The following SPAG16 variants were observed in gnomAD, a reference collection of about 807,000 sequenced individuals.
The protein encoded by SPAG16 is sperm associated antigen 16.
SPAG16 carries 86 observed loss-of-function variants against 80.4 expected under a neutral mutation model. That is an observed-to-expected ratio of 1.07 (90% CI 0.90 to 1.28). The LOEUF is 1.28. SPAG16 is among the 50% of genes most tolerant of loss of function. The probability of loss-of-function intolerance (pLI) is 0.00; values close to 1 mark genes in which losing one functional copy is unlikely to be tolerated. For synonymous variants in SPAG16, 294 were observed against 265.9 expected, an observed-to-expected ratio of 1.11 and a Z score of -1.03; for missense variants, 870 against 765.3, an observed-to-expected ratio of 1.14 and a Z score of -1.61.
chr2:213,417,177 C>A (rs2069306516), intron 9 of SPAG16, among the ~76,000 whole-genome samples: 1 of 151,950 alleles, frequency 6.6e-6, no homozygotes, highest in African/African-American at 2.4e-5. Context: ...GGTCAGAGGT[C>A]AAGCATCATA....
At chr2:214,372,446 C>T (rs1041986395) in intron 15 of SPAG16, among the ~76,000 whole-genome samples, 1 of 141,642 alleles carries the variant, frequency 7.1e-6, no homozygotes, top group African/African-American at 2.5e-5. Flanking sequence ...AAGGATACAA[C>T]AAAAGCTTGA....
intron 15 of SPAG16, among the ~76,000 whole-genome samples, chr2:214,272,108 T>A (rs1368369361): frequency 1.3e-5 from 2 of 152,196 alleles, no homozygotes; most frequent in African/African-American, 4.8e-5. Flanking sequence ...AAGTGTCATA[T>A]CTGTGCCATT....
At chr2:214,159,202 A>G (rs568603682) in intron 15 of SPAG16, among the ~76,000 whole-genome samples, 81 of 152,152 alleles carry the variant, frequency 5.3e-4, no homozygotes, top group African/African-American at 1.8e-3. Context: ...ACTTTAATCA[A>G]TAGAAATAAA....
intron 10 of SPAG16, among the ~76,000 whole-genome samples, chr2:213,525,630 A>G (rs2075861785): frequency 6.6e-6 from 1 of 152,100 alleles, no homozygotes; most frequent in African/African-American, 2.4e-5. Flanking sequence ...TCAGGCATGT[A>G]TTTATTAGCA....
chr2:213,524,225 A>G (rs948457044), intron 10 of SPAG16, among the ~76,000 whole-genome samples: 2 of 152,194 alleles, frequency 1.3e-5, no homozygotes, highest in Non-Finnish European at 2.9e-5. Context: ...GGCAGCTTCC[A>G]TGTAGTGTTG....
At chr2:213,892,963 C>T (rs541173814) in intron 11 of SPAG16, among the ~76,000 whole-genome samples, 25 of 152,116 alleles carry the variant, frequency 1.6e-4, no homozygotes, top group East Asian at 7.7e-4. Flanking sequence ...CACACATAGG[C>T]GAACAACATC....
chr2:214,193,895 T>C (rs1274251471), intron 15 of SPAG16, among the ~76,000 whole-genome samples: 1 of 152,022 alleles, frequency 6.6e-6, no homozygotes, highest in East Asian at 1.9e-4. Context: ...AAGTAGATCA[T>C]TTAGTTTAAT....
intron 12 of SPAG16, among the ~76,000 whole-genome samples, chr2:213,981,289 G>A (rs112543422): frequency 0.013 from 1,995 of 152,168 alleles, 49 homozygotes; most frequent in African/African-American, 0.045. Flanking sequence ...ATGAGTTTGT[G>A]GGGGAATCAA....
chr2:213,563,834 A>T (rs888879390), intron 10 of SPAG16, among the ~76,000 whole-genome samples: 1 of 152,230 alleles, frequency 6.6e-6, no homozygotes, highest in Non-Finnish European at 1.5e-5. Context: ...AAACATATTA[A>T]TGTACATGGC....
At chr2:214,258,471 G>GTATATATATATATATATATATATATATA (rs146532641) in intron 15 of SPAG16, among the ~76,000 whole-genome samples, 9 of 141,434 alleles carry the variant, frequency 6.4e-5, no homozygotes, top group Non-Finnish European at 1.2e-4. Context: ...ATGTGTGTGT[G>GTATATATATATATATATATATATATATA]TATATATATA....
intron 11 of SPAG16, among the ~76,000 whole-genome samples, chr2:213,896,889 A>G (rs1307772385): frequency 6.6e-6 from 1 of 152,014 alleles, no homozygotes; most frequent in Non-Finnish European, 1.5e-5. Flanking sequence ...AAGGGAGTAG[A>G]TTGGTCATTA....
At chr2:214,149,445 G>T (rs953769514) in intron 15 of SPAG16, among the ~76,000 whole-genome samples, 179 bp downstream of exon 15, 1 of 151,854 alleles carries the variant, frequency 6.6e-6, no homozygotes, top group South Asian at 2.1e-4. Context: ...TCATATGAAA[G>T]AATTATATTC....
intron 15 of SPAG16, among the ~76,000 whole-genome samples, chr2:214,279,787 G>T (rs1692771043): frequency 3.3e-5 from 5 of 152,160 alleles, no homozygotes; most frequent in Admixed American, 3.3e-4. Flanking sequence ...ATAAGTCTTA[G>T]TGAATTTTAA....
chr2:213,634,468 A>G (rs893330766), intron 10 of SPAG16, among the ~76,000 whole-genome samples: 15 of 152,188 alleles, frequency 9.9e-5, no homozygotes, highest in Non-Finnish European at 1.0e-4. Flanking sequence ...CCACAGTTAC[A>G]GTGTTATAAT....
chr2:214,203,366 A>C (rs1267479855), intron 15 of SPAG16, among the ~76,000 whole-genome samples: 1 of 152,164 alleles, frequency 6.6e-6, no homozygotes, highest in African/African-American at 2.4e-5. Context: ...CAGCATGTGG[A>C]GACTCAAATC....
chr2:214,102,114 TTG>T (rs376118135), intron 13 of SPAG16, among the ~76,000 whole-genome samples: 18,452 of 102,754 alleles, frequency 0.18, 1,321 homozygotes, highest in Admixed American at 0.21. Flanking sequence ...GGGTGGTTTT[TTG>T]TTTTTTTTTT....
In SPAG16 at chr2:214,021,576, A is replaced by T. The variant is rs150467260; in HGVS notation, c.1527+7499A>T. ...TTCCCTGCCACAACACCTGGGAATT[A>T]TGGGAGCTACAAGATGAGATTTGGG... On this transcript the variant is annotated intron_variant, in intron 13 of 15. Coordinates refer to ENST00000331683, the MANE Select transcript of SPAG16 (RefSeq NM_024532.5). 2.0e-5 allele frequency among the ~76,000 whole-genome samples: 3 copies of T among 152,282 alleles called. No homozygotes were observed. In the East Asian group the frequency reaches 5.8e-4, roughly 29 times the overall value.
At chr2:213,489,230 T>A (rs1272957954) in intron 9 of SPAG16, among the ~76,000 whole-genome samples, 1 of 152,154 alleles carries the variant, frequency 6.6e-6, no homozygotes, top group East Asian at 1.9e-4. Flanking sequence ...ATAACTTCTT[T>A]TTTTGAGTAC....
At chr2:213,292,290 T>C (rs991579414) in intron 1 of SPAG16, among the ~76,000 whole-genome samples, 2 of 152,314 alleles carry the variant, frequency 1.3e-5, no homozygotes, top group Admixed American at 1.3e-4. Context: ...AGGAGCTGTC[T>C]CTCAGAAGGG....
Sources: gnomAD v4.1 joint callset for allele counts (sites outside exome capture counted in the v4.1 genomes callset) on GRCh38, gnomAD v4.1.1 for gene constraint, MANE v1.5 for transcripts, NCBI Gene and HGNC (gene_info 2026-07-23, HGNC 2026-07-21) for gene names.